Variants in IDO2 observed in about 807,000 individuals in gnomAD.
The protein encoded by IDO2 is indoleamine 2,3-dioxygenase-like 1 protein.
In IDO2, 46 loss-of-function variants were observed where a neutral mutation model predicts 45.1. The ratio of observed to expected loss-of-function variants is 1.02; its 90% CI spans 0.80 to 1.30. The LOEUF (loss-of-function observed/expected upper bound fraction) is 1.30. Ranked by LOEUF, IDO2 falls within the 50% of genes most tolerant of loss-of-function variation. The pLI is 0.00. For synonymous variants in IDO2, 218 were observed against 184.9 expected (o/e 1.18, Z -1.45); for missense variants, 544 against 491.8 (o/e 1.11, Z -1.00).
At chr8:39,965,513 A>AATAT (rs1554545864) in intron 3 of IDO2, among the ~76,000 whole-genome samples, 3 of 104,656 alleles carry the variant, frequency 2.9e-5, no homozygotes, top group Non-Finnish European at 6.8e-5. Flanking sequence ...CAAACAAACA[A>AATAT]ATATATATAT....
chr8:39,951,528 C>T (rs1480357763), intron 2 of IDO2, among the ~76,000 whole-genome samples: 1 of 152,166 alleles, frequency 6.6e-6, no homozygotes, highest in Non-Finnish European at 1.5e-5. Context: ...GTGACTTTGA[C>T]TGAATTACAA....
At chr8:40,002,738 C>A (rs1802158805) in intron 8 of IDO2, among the ~76,000 whole-genome samples, 1 of 152,104 alleles carries the variant, frequency 6.6e-6, no homozygotes, top group African/African-American at 2.4e-5. Flanking sequence ...CGCGATCATG[C>A]CACTGTACTC....
intron 8 of IDO2, among the ~76,000 whole-genome samples, chr8:39,999,434 A>G (rs951742493): frequency 6.6e-6 from 1 of 151,898 alleles, no homozygotes; most frequent in Admixed American, 6.6e-5. Context: ...ACCTGCCAAC[A>G]CGCCAGGCTA....
intron 2 of IDO2, among the ~76,000 whole-genome samples, chr8:39,963,197 C>T (rs1278363262): frequency 1.3e-5 from 2 of 152,224 alleles, no homozygotes; most frequent in Non-Finnish European, 2.9e-5. Flanking sequence ...TTACTACCTT[C>T]CCTTCTTCAC....
intron 2 of IDO2, among the ~76,000 whole-genome samples, chr8:39,956,082 CAG>C (rs1807887325): frequency 7.3e-6 from 1 of 137,702 alleles, no homozygotes; most frequent in Non-Finnish European, 1.5e-5. Flanking sequence ...TTTTTTGAGA[CAG>C]AGTCTTGCTC....
chr8:40,011,414 A>G (rs912916723), intron 9 of IDO2, among the ~76,000 whole-genome samples: 1 of 152,222 alleles, frequency 6.6e-6, no homozygotes, highest in Non-Finnish European at 1.5e-5. Flanking sequence ...GTGCCCATAT[A>G]TCACCCAACA....
intron 3 of IDO2, among the ~76,000 whole-genome samples, chr8:39,970,666 C>G (rs968392621): frequency 3.3e-5 from 5 of 151,538 alleles, no homozygotes; most frequent in African/African-American, 1.2e-4. Context: ...AGCTGGATTA[C>G]AGGCATGAGC....
At chr8:39,964,951 AG>A (rs1323593544) in intron 3 of IDO2, among the ~76,000 whole-genome samples, 3 of 152,234 alleles carry the variant, frequency 2.0e-5, no homozygotes, top group Non-Finnish European at 2.9e-5. Context: ...ATCTCAGAAT[AG>A]CAGAGAAGAG....
At chr8:39,996,803 A>C (rs191823368) in intron 8 of IDO2, among the ~76,000 whole-genome samples, 21 of 152,328 alleles carry the variant, frequency 1.4e-4, no homozygotes, top group African/African-American at 4.6e-4. Context: ...ACCATTTTAC[A>C]AGCACTAGAA....
chr8:39,982,852 T>C, intron 5 of IDO2, 82 bp downstream of exon 5: 1 of 908,034 alleles, frequency 1.1e-6, no homozygotes, highest in Non-Finnish European at 1.7e-6. Flanking sequence ...TTAGGGAAGT[T>C]CATATTTATG....
chr8:39,974,647 T>C (rs2543063), intron 3 of IDO2, among the ~76,000 whole-genome samples: 97,012 of 152,026 alleles, frequency 0.64, 31,493 homozygotes, highest in South Asian at 0.75. Flanking sequence ...GGCTGGGCAC[T>C]GTGGCTCACA....
Position 39,942,115 on chromosome 8 carries a change from A to G in IDO2, c.-18+6897A>G, listed in dbSNP as rs771177228. Among the ~76,000 whole-genome samples, 8 of 152,080 alleles carry G rather than the reference A, an allele frequency of 5.3e-5. 1 individual carries two copies. In the South Asian group the frequency reaches 1.7e-3, roughly 31 times the overall value. ...TTCCAAAAATAAAAAATAAGAAAGA[A>G]TTTTTAGAATGAGAGGAAAACAACA... On this transcript the variant is annotated intron_variant, in intron 1 of 10. Transcript: ENST00000502986.
intron 8 of IDO2, among the ~76,000 whole-genome samples, chr8:39,995,888 T>G (rs1802035839): frequency 6.6e-6 from 1 of 152,084 alleles, no homozygotes; most frequent in Non-Finnish European, 1.5e-5. Flanking sequence ...AACGCCCGCG[T>G]CTGGGAAGAT....
chr8:39,974,208 C>A (rs1455435871), intron 3 of IDO2, among the ~76,000 whole-genome samples: 1 of 151,994 alleles, frequency 6.6e-6, no homozygotes, highest in African/African-American at 2.4e-5. Context: ...AACAAGGGAA[C>A]CAAAAACTTA....
At chr8:40,013,036 T>G (rs1366526316) in intron 9 of IDO2, among the ~76,000 whole-genome samples, 3 of 152,194 alleles carry the variant, frequency 2.0e-5, no homozygotes, top group African/African-American at 7.2e-5. Flanking sequence ...GATGACTTCT[T>G]AACAATTATC....
intron 8 of IDO2, among the ~76,000 whole-genome samples, chr8:39,992,074 G>A (rs927261506): frequency 6.6e-6 from 1 of 152,252 alleles, no homozygotes; most frequent in African/African-American, 2.4e-5. Flanking sequence ...GGATTGGACT[G>A]TGTTTTCTAA....
intron 2 of IDO2, among the ~76,000 whole-genome samples, chr8:39,959,338 T>A (rs561210377): frequency 2.8e-4 from 43 of 151,692 alleles, no homozygotes; most frequent in Non-Finnish European, 5.4e-4. Context: ...ATGGTCTTGA[T>A]CTCCTGACTT....
At chr8:40,001,291 G>A (rs868261162) in intron 8 of IDO2, among the ~76,000 whole-genome samples, 1 of 118,758 alleles carries the variant, frequency 8.4e-6, no homozygotes, top group African/African-American at 3.3e-5. Context: ...TCGCTCTGTT[G>A]CAGGCTAGAG....
intron 2 of IDO2, among the ~76,000 whole-genome samples, chr8:39,951,316 C>G (rs1182506526): frequency 7.1e-6 from 1 of 141,538 alleles, no homozygotes; most frequent in African/African-American, 2.7e-5. Context: ...CTTTCTATCG[C>G]CCAGGCTGGA....
Sources: gnomAD v4.1 joint callset for allele counts (sites outside exome capture counted in the v4.1 genomes callset) on GRCh38, gnomAD v4.1.1 for gene constraint, MANE v1.5 for transcripts, NCBI Gene and HGNC (gene_info 2026-07-23, HGNC 2026-07-21) for gene names.